Variants in ACO2 observed in about 807,000 individuals in gnomAD.
ACO2 encodes the protein aconitase 2, also known as aconitate hydratase, mitochondrial.
Under a neutral mutation model 84.5 loss-of-function variants are expected in ACO2, and 31 were observed. That is an observed-to-expected ratio of 0.37 (90% CI 0.28 to 0.50). The LOEUF (loss-of-function observed/expected upper bound fraction) is 0.50. ACO2 is among the 20% of genes least tolerant of loss of function. The probability of loss-of-function intolerance (pLI) is 0.97; values close to 1 mark genes in which losing one functional copy is unlikely to be tolerated. For synonymous variants in ACO2, 414 were observed against 412.7 expected, an observed-to-expected ratio of 1.00 and a Z score of -0.04; for missense variants, 685 against 1,029.3, an observed-to-expected ratio of 0.67 and a Z score of 4.58.
At chr22:41,503,369 C>T (rs1472461628) in intron 2 of ACO2, among the ~76,000 whole-genome samples, 1 of 151,988 alleles carries the variant, frequency 6.6e-6, no homozygotes, top group Non-Finnish European at 1.5e-5. Context: ...CTCTGTCGCC[C>T]AGGCTGGCTG....
chr22:41,504,711 C>CTTTTT (rs926246283), intron 2 of ACO2, among the ~76,000 whole-genome samples: 10 of 48,604 alleles, frequency 2.1e-4, no homozygotes, highest in Middle Eastern at 0.014. Flanking sequence ...ACCTTAGGGA[C>CTTTTT]TTTTTTTTTT....
chr22:41,526,206 C>T (rs2066592033), intron 14 of ACO2, 56 bp from the exon 15 acceptor site: 17 of 1,518,652 alleles, frequency 1.1e-5, no homozygotes, highest in Non-Finnish European at 1.5e-5. Context: ...GAGGGCTTGT[C>T]ATCCACCCCT....
chr22:41,469,308 T>G, intron 1 of ACO2, 126 bp downstream of exon 1: 1 of 1,204,594 alleles, frequency 8.3e-7, no homozygotes, highest in Non-Finnish European at 1.1e-6. Flanking sequence ...CTGTCCCGGT[T>G]GTGGGCCCGG....
At chr22:41,499,912 G>C (rs1410674868) in intron 2 of ACO2, 50 bp downstream of exon 2, 27 of 1,602,262 alleles carry the variant, frequency 1.7e-5, no homozygotes, top group Non-Finnish European at 2.3e-5. Context: ...TGCGTCTGCT[G>C]CCTGCCCGTC....
intron 8 of ACO2, among the ~76,000 whole-genome samples, chr22:41,519,476 A>G (rs1601921575): frequency 6.6e-6 from 1 of 152,160 alleles, no homozygotes; most frequent in Non-Finnish European, 1.5e-5. Flanking sequence ...TGATTATGAT[A>G]TGTAAAGCGT....
rs1601919432 is a variant in ACO2, at chr22:41,517,520, T to C, written c.836-7T>C. Reference sequence around the variant, plus strand: ...CAGCCAATGCCCGGGGCTCTGTTGCTCCACAGGCATGGCGACAATCTGCAA... The same window carrying C: ...CAGCCAATGCCCGGGGCTCTGTTGCCCCACAGGCATGGCGACAATCTGCAA... On this transcript the variant is annotated splice_region_variant and splice_polypyrimidine_tract_variant and intron_variant, in intron 6 of 17. Coordinates refer to ENST00000216254, the MANE Select transcript of ACO2 (RefSeq NM_001098.3). The C allele has an allele frequency of 6.2e-7, 1 of 1,613,164 alleles. No individual in the cohort carries two copies. Among genetic ancestry groups the C allele is most frequent in the East Asian group, 2.2e-5 (1 of 44,870 alleles).
At chr22:41,495,823 C>A (rs1373983188) in intron 1 of ACO2, among the ~76,000 whole-genome samples, 2 of 150,266 alleles carry the variant, frequency 1.3e-5, no homozygotes, top group Non-Finnish European at 3.0e-5. Context: ...GGACTGTCTC[C>A]ATCTCCTGAC....
In ACO2 at chr22:41,508,070, G is replaced by T. The variant is rs376995122; in HGVS notation, c.432+21G>T. 1.1e-5 allele frequency: 17 copies of T among 1,598,890 alleles called. No homozygotes were observed. In the Admixed American group the frequency reaches 1.3e-4, roughly 13 times the overall value. ...CCAAGGTGAGCAGAAGGTGGCTTTG[G>T]GGGTGGGCAAGTGGGCAAGACTGGG... On this transcript the variant is annotated intron_variant, in intron 3 of 17. Coordinates refer to ENST00000216254, the MANE Select transcript of ACO2 (RefSeq NM_001098.3).
chr22:41,475,999 T>G (rs1170051987), intron 1 of ACO2, among the ~76,000 whole-genome samples: 1 of 151,998 alleles, frequency 6.6e-6, no homozygotes, highest in African/African-American at 2.4e-5. Flanking sequence ...CTCTCTGTGG[T>G]CCTGCAGTTA....
At chr22:41,525,391 GC>G in intron 14 of ACO2, 43 bp downstream of exon 14, 1 of 1,606,630 alleles carries the variant, frequency 6.2e-7, no homozygotes, top group South Asian at 1.1e-5. Context: ...CCCTGCCAGG[GC>G]CCCCCGTCCC....
rs9623413 is a variant in ACO2 at position 41,527,314 on chromosome 22, C to A, written c.1980C>A (p.Ile660=). ...AACATGGCATCAGGTGGGTGGTGATCGGAGACGAGAACTACGGCGAGGGCT... is the reference window on the plus strand; with the variant it reads ...AACATGGCATCAGGTGGGTGGTGATAGGAGACGAGAACTACGGCGAGGGCT... ...YKKHGIRWVV[I]GDENYGEGSS... The change falls in exon 16 of 18, where the codon ATC becomes ATA. Residue 660 remains isoleucine, a synonymous_variant. Coordinates refer to ENST00000216254, the MANE Select transcript of ACO2 (RefSeq NM_001098.3). 5.0e-6 allele frequency: 8 copies of A among 1,614,118 alleles called. No homozygotes were observed. In the South Asian group the frequency reaches 7.7e-5, roughly 16 times the overall value.
At chr22:41,516,255 G>A (rs755566444) in intron 6 of ACO2, 1 of 566,894 alleles carries the variant, frequency 1.8e-6, no homozygotes, top group Non-Finnish European at 3.2e-6. Context: ...ATCCAGAGAG[G>A]ACAGAGGCAG....
chr22:41,479,818 T>C (rs1225411346), intron 1 of ACO2, among the ~76,000 whole-genome samples: 1 of 152,174 alleles, frequency 6.6e-6, no homozygotes, highest in Non-Finnish European at 1.5e-5. Context: ...GAGCAGGGCT[T>C]GGGATTTGTA....
intron 6 of ACO2, 166 bp downstream of exon 6, chr22:41,516,083 T>G (rs2066474033): frequency 1.2e-6 from 1 of 847,164 alleles, no homozygotes; most frequent in Admixed American, 2.0e-5. Context: ...GCATTAGAGA[T>G]TGTCTAGTCC....
intron 2 of ACO2, among the ~76,000 whole-genome samples, chr22:41,504,786 C>T (rs1489148440): frequency 3.2e-5 from 4 of 124,532 alleles, no homozygotes; most frequent in African/African-American, 6.3e-5. Flanking sequence ...TGCAGTGGTT[C>T]GATCATGGCT....
intron 2 of ACO2, among the ~76,000 whole-genome samples, chr22:41,500,574 G>A (rs1312561203): frequency 6.6e-6 from 1 of 151,726 alleles, no homozygotes; most frequent in Non-Finnish European, 1.5e-5. Context: ...TAGTAGAGAT[G>A]GGGTTTTGCC....
At chr22:41,503,256 T>A (rs924307560) in intron 2 of ACO2, among the ~76,000 whole-genome samples, 2 of 152,132 alleles carry the variant, frequency 1.3e-5, no homozygotes, top group Admixed American at 1.3e-4. Flanking sequence ...CCAATAAATT[T>A]TTTTCTTTTT....
rs142752746 is a variant in ACO2, at chr22:41,494,561, G to A, written c.37-5165G>A. Among the ~76,000 whole-genome samples the A allele has an allele frequency of 9.1e-3, 1,383 of 151,338 alleles. 12 individuals carry two copies. The highest frequency in any genetic ancestry group is 0.02 in the South Asian group (97 of 4,780). ...TGAGTAGCTGGGATTACAGTCGTAC[G>A]CCACCATGTCCGGCTAATATTGTAT... is the stretch of plus-strand genomic sequence containing the variant. On this transcript the variant is annotated intron_variant, in intron 1 of 17. Transcript: ENST00000216254.
At chr22:41,516,621 G>A (rs1289500647) in intron 6 of ACO2, among the ~76,000 whole-genome samples, 1 of 152,224 alleles carries the variant, frequency 6.6e-6, no homozygotes, top group Non-Finnish European at 1.5e-5. Flanking sequence ...CCGTCCTAGT[G>A]GCTCCTGAGG....
Sources: gnomAD v4.1 joint callset for allele counts (sites outside exome capture counted in the v4.1 genomes callset) on GRCh38, gnomAD v4.1.1 for gene constraint, MANE v1.5 for transcripts, NCBI Gene and HGNC (gene_info 2026-07-23, HGNC 2026-07-21) for gene names.